The following WWOX variants were observed in gnomAD, a reference collection of about 807,000 sequenced individuals.
WWOX encodes WW domain-containing oxidoreductase.
A neutral mutation model predicts 46.2 loss-of-function variants in WWOX; 69 were observed. The ratio of observed to expected loss-of-function variants is 1.49; its 90% CI spans 1.23 to 1.82. WWOX has a LOEUF of 1.82. WWOX is among the 40% of genes most tolerant of loss of function. The probability of loss-of-function intolerance (pLI) is 0.00; values close to 1 mark genes in which losing one functional copy is unlikely to be tolerated. For synonymous variants in WWOX, 359 were observed against 202.6 expected, an observed-to-expected ratio of 1.77 and a Z score of -6.56; for missense variants, 919 against 542.6, an observed-to-expected ratio of 1.69 and a Z score of -6.89.
At chr16:78,271,766 G>A (rs149533392) in intron 5 of WWOX, among the ~76,000 whole-genome samples, 1 of 152,342 alleles carries the variant, frequency 6.6e-6, no homozygotes, top group Non-Finnish European at 1.5e-5. Context: ...AGGCCTGGCG[G>A]AGAAGCAGTT....
chr16:78,779,080 C>G (rs1388414224), intron 8 of WWOX, among the ~76,000 whole-genome samples: 1 of 146,178 alleles, frequency 6.8e-6, no homozygotes, highest in Non-Finnish European at 1.5e-5. Context: ...AGAGATCACT[C>G]TATCGCCTAA....
chr16:78,524,436 G>A (rs1185116578), intron 8 of WWOX, among the ~76,000 whole-genome samples: 3 of 151,566 alleles, frequency 2.0e-5, no homozygotes, highest in African/African-American at 7.3e-5. Flanking sequence ...TTATTTGTTT[G>A]TTTGAGATGA....
At chr16:78,764,659 C>T (rs561480993) in intron 8 of WWOX, among the ~76,000 whole-genome samples, 1 of 148,834 alleles carries the variant, frequency 6.7e-6, no homozygotes, top group African/African-American at 2.5e-5. Flanking sequence ...CCTTTGATAA[C>T]CAAGACAAGT....
At chr16:78,852,877 G>C (rs900139169) in intron 8 of WWOX, among the ~76,000 whole-genome samples, 1 of 152,192 alleles carries the variant, frequency 6.6e-6, no homozygotes, top group Non-Finnish European at 1.5e-5. Flanking sequence ...TGTTCCCTCT[G>C]CATATAGCAC....
chr16:78,745,994 G>A (rs2049339268), intron 8 of WWOX, among the ~76,000 whole-genome samples: 1 of 152,116 alleles, frequency 6.6e-6, no homozygotes, highest in African/African-American at 2.4e-5. Context: ...GTCTCAGAAG[G>A]CTACTGGGAA....
At chr16:79,086,951 G>C in intron 8 of WWOX, among the ~76,000 whole-genome samples, 1 of 152,214 alleles carries the variant, frequency 6.6e-6, no homozygotes, top group East Asian at 1.9e-4. Flanking sequence ...TACAGACTCT[G>C]CAGAGCACTA....
At chr16:78,138,081 C>G (rs1284637546) in intron 4 of WWOX, among the ~76,000 whole-genome samples, 3 of 150,604 alleles carry the variant, frequency 2.0e-5, no homozygotes, top group Non-Finnish European at 4.4e-5. Flanking sequence ...GCAGACTGTT[C>G]TTGGCCAACT....
chr16:78,551,896 A>G (rs946107577), intron 8 of WWOX: 6 of 152,188 alleles, frequency 3.9e-5, no homozygotes, highest in African/African-American at 1.4e-4. Context: ...TGTTTCTGTT[A>G]TGTGGTTTGC....
At chr16:79,164,468 A>T (rs2050551854) in intron 8 of WWOX, among the ~76,000 whole-genome samples, 1 of 151,712 alleles carries the variant, frequency 6.6e-6, no homozygotes, top group Admixed American at 6.6e-5. Flanking sequence ...TAAATGAAGG[A>T]TGTTCATTCA....
chr16:78,759,365 C>G (rs1033375527), intron 8 of WWOX, among the ~76,000 whole-genome samples: 1 of 152,182 alleles, frequency 6.6e-6, no homozygotes, highest in African/African-American at 2.4e-5. Flanking sequence ...AAATATTCTT[C>G]TGTTTCTTTT....
chr16:78,805,309 G>C (rs2051000967), intron 8 of WWOX, among the ~76,000 whole-genome samples: 1 of 152,202 alleles, frequency 6.6e-6, no homozygotes, highest in South Asian at 2.1e-4. Flanking sequence ...CTCGAGTGCA[G>C]TGGCGCCATC....
intron 4 of WWOX, among the ~76,000 whole-genome samples, chr16:78,117,107 C>A (rs923149795): frequency 6.6e-6 from 1 of 152,212 alleles, no homozygotes; most frequent in Non-Finnish European, 1.5e-5. Context: ...GAATGGCCCT[C>A]ACATGTTGGA....
chr16:78,161,687 T>A (rs2034799889), intron 4 of WWOX, among the ~76,000 whole-genome samples: 2 of 152,214 alleles, frequency 1.3e-5, no homozygotes, highest in Admixed American at 6.5e-5. Flanking sequence ...GTGATCCTCA[T>A]GCTTTGGCCG....
intron 8 of WWOX, among the ~76,000 whole-genome samples, chr16:79,079,322 C>T (rs1032416055): frequency 6.6e-6 from 1 of 152,286 alleles, no homozygotes; most frequent in East Asian, 1.9e-4. Context: ...CAATTTTTGC[C>T]TCTCTTTTTT....
At chr16:78,955,093 A>C (rs1016557485) in intron 8 of WWOX, among the ~76,000 whole-genome samples, 1 of 152,202 alleles carries the variant, frequency 6.6e-6, no homozygotes, top group African/African-American at 2.4e-5. Context: ...GAAACTCCGC[A>C]GAGAGAAAGT....
At chr16:78,360,457 C>G (rs1480380649) in intron 5 of WWOX, among the ~76,000 whole-genome samples, 1 of 151,882 alleles carries the variant, frequency 6.6e-6, no homozygotes, top group Non-Finnish European at 1.5e-5. Flanking sequence ...TGGCAGCGCA[C>G]ACCTGTAATC....
intron 8 of WWOX, among the ~76,000 whole-genome samples, chr16:79,202,336 C>CGG (rs929335838): frequency 3.3e-5 from 5 of 152,086 alleles, no homozygotes; most frequent in African/African-American, 1.2e-4. Context: ...ATGGGAATGA[C>CGG]GGGACCCTCA....
At chr16:78,253,879 A>G (rs895094038) in intron 5 of WWOX, among the ~76,000 whole-genome samples, 4 of 152,134 alleles carry the variant, frequency 2.6e-5, no homozygotes, top group Admixed American at 2.0e-4. Context: ...CTTTCGGCAT[A>G]CACTTCCCAC....
chr16:78,541,445 G>A (rs1042217207), intron 8 of WWOX, among the ~76,000 whole-genome samples: 4 of 109,884 alleles, frequency 3.6e-5, no homozygotes, highest in African/African-American at 7.1e-5. Context: ...CTGCACTCCA[G>A]CCTGGGCGAC....
Sources: gnomAD v4.1 joint callset for allele counts (sites outside exome capture counted in the v4.1 genomes callset) on GRCh38, gnomAD v4.1.1 for gene constraint, MANE v1.5 for transcripts, NCBI Gene and HGNC (gene_info 2026-07-23, HGNC 2026-07-21) for gene names.